ST18: variants seen among roughly 807,000 people sequenced by gnomAD.
ST18 encodes suppression of tumorigenicity 18 protein.
Under a neutral mutation model 110.0 loss-of-function variants are expected in ST18, and 50 were observed. The ratio of observed to expected loss-of-function variants is 0.45; its 90% CI spans 0.36 to 0.58. The LOEUF (loss-of-function observed/expected upper bound fraction) is 0.58, where lower values mean the gene tolerates loss of function less well. ST18 is among the 20% of genes least tolerant of loss of function. The pLI is 0.00. For synonymous variants in ST18, 461 were observed against 452.4 expected (o/e 1.02, Z -0.24); for missense variants, 1,306 against 1,280.1 (o/e 1.02, Z -0.31).
intron 2 of ST18, among the ~76,000 whole-genome samples, chr8:52,346,246 T>A (rs1461090956): frequency 6.6e-6 from 1 of 151,086 alleles, no homozygotes; most frequent in Non-Finnish European, 1.5e-5. Flanking sequence ...AAAATTTAAA[T>A]ATGGAATTGC....
intron 2 of ST18, among the ~76,000 whole-genome samples, chr8:52,408,208 T>A (rs1285128828): frequency 6.6e-6 from 1 of 152,238 alleles, no homozygotes; most frequent in East Asian, 1.9e-4. Context: ...GTCATTTTTA[T>A]CTTGACCACC....
chr8:52,393,062 TC>T (rs1839855284), intron 2 of ST18, among the ~76,000 whole-genome samples: 1 of 152,158 alleles, frequency 6.6e-6, no homozygotes, highest in Admixed American at 6.5e-5. Flanking sequence ...GTTCCCTGCC[TC>T]CAGACCCTAT....
At chr8:52,318,890 G>C (rs952207399) in intron 2 of ST18, among the ~76,000 whole-genome samples, 7 of 151,824 alleles carry the variant, frequency 4.6e-5, no homozygotes, top group East Asian at 3.9e-4. Context: ...GGACACATGG[G>C]GGGGTGGGAC....
At chr8:52,329,525 C>A (rs527480663) in intron 2 of ST18, among the ~76,000 whole-genome samples, 46 of 152,232 alleles carry the variant, frequency 3.0e-4, no homozygotes, top group Non-Finnish European at 5.7e-4. Flanking sequence ...GAGACCGAGG[C>A]AGGTGGATCA....
At chr8:52,135,413 C>G (rs148988597) in intron 19 of ST18, among the ~76,000 whole-genome samples, 2 of 151,210 alleles carry the variant, frequency 1.3e-5, no homozygotes, top group African/African-American at 2.4e-5. Context: ...ATACAAAAAG[C>G]ACTCAGGCAT....
chr8:52,294,303 A>T (rs1398527618), intron 2 of ST18, among the ~76,000 whole-genome samples: 1 of 152,228 alleles, frequency 6.6e-6, no homozygotes, highest in Non-Finnish European at 1.5e-5. Context: ...ACCAGAAAGG[A>T]ACTGAAAAAT....
At chr8:52,171,695 T>A in intron 10 of ST18, 97 bp downstream of exon 10, 1 of 1,309,832 alleles carries the variant, frequency 7.6e-7, no homozygotes, top group East Asian at 2.3e-5. Context: ...TGCATTAAAC[T>A]GTTAAAAAGC....
At chr8:52,272,546 A>G (rs2095109032) in intron 2 of ST18, among the ~76,000 whole-genome samples, 1 of 152,216 alleles carries the variant, frequency 6.6e-6, no homozygotes, top group Admixed American at 6.5e-5. Context: ...GATGGCGATT[A>G]TAGACAACAA....
At chr8:52,161,006 A>C (rs570495456) in intron 14 of ST18, among the ~76,000 whole-genome samples, 1 of 152,344 alleles carries the variant, frequency 6.6e-6, no homozygotes, top group South Asian at 2.1e-4. Flanking sequence ...CCATAATTTC[A>C]ATACAAATAA....
chr8:52,268,160 C>T (rs539755292), intron 2 of ST18, among the ~76,000 whole-genome samples: 70 of 152,198 alleles, frequency 4.6e-4, no homozygotes, highest in Non-Finnish European at 8.4e-4. Flanking sequence ...GAATCCTCAT[C>T]CTTCTTTATC....
chr8:52,274,038 C>T (rs906514483), intron 2 of ST18, among the ~76,000 whole-genome samples: 1 of 152,194 alleles, frequency 6.6e-6, no homozygotes, highest in Non-Finnish European at 1.5e-5. Flanking sequence ...TGTGTATCCT[C>T]TCTACACTGA....
In ST18 at chr8:52,126,054, C is replaced by T; in HGVS notation, c.2753G>A (p.Gly918Glu). ...ELMTIKLKAT[G>E]GIESDEEIRH... ...GACAGCCAGCCCTGTGCTCTTACCC[C>T]CAGTTGCTTTGAGCTTGATGGTCAT... The change falls in exon 23 of 26, where the codon GGG becomes GAG. Residue 918 changes from glycine (G) to glutamate (E), a missense_variant and splice_region_variant. Gly to Glu is a moderately conservative substitution (Grantham distance 98). Transcript: ENST00000689386. 1 of 1,614,012 alleles carries T rather than the reference C, an allele frequency of 6.2e-7. No homozygotes were observed. Among genetic ancestry groups the T allele is most frequent in the Non-Finnish European group, 8.5e-7 (1 of 1,179,962 alleles).
intron 2 of ST18, among the ~76,000 whole-genome samples, chr8:52,245,715 A>G (rs899691766): frequency 6.6e-6 from 1 of 152,120 alleles, no homozygotes; most frequent in African/African-American, 2.4e-5. Context: ...ATATTTAAGA[A>G]TATTTGGAGA....
chr8:52,217,655 C>T (rs1167830595), intron 6 of ST18, 91 bp downstream of exon 6: 1 of 152,106 alleles, frequency 6.6e-6, no homozygotes, highest in South Asian at 2.1e-4. Context: ...AGCAGATACA[C>T]AATGAGGAAG....
At chr8:52,114,440 C>T (rs2041782336) in intron 25 of ST18, among the ~76,000 whole-genome samples, 1 of 152,214 alleles carries the variant, frequency 6.6e-6, no homozygotes, top group South Asian at 2.1e-4. Flanking sequence ...TTTTTAAAAA[C>T]ACATGACGTG....
At chr8:52,168,940 C>T (rs188188821) in intron 10 of ST18, among the ~76,000 whole-genome samples, 35 of 152,264 alleles carry the variant, frequency 2.3e-4, no homozygotes, top group African/African-American at 8.4e-4. Context: ...ATGTGTATTT[C>T]GATGCCCTTC....
chr8:52,238,260 C>T (rs530149516), intron 2 of ST18, among the ~76,000 whole-genome samples: 30 of 152,034 alleles, frequency 2.0e-4, no homozygotes, highest in African/African-American at 7.0e-4. Context: ...AAATTGTACA[C>T]AAATATTCGT....
intron 2 of ST18, among the ~76,000 whole-genome samples, chr8:52,397,106 T>C (rs7008712): frequency 0.63 from 96,538 of 152,122 alleles, 32,967 homozygotes; most frequent in Non-Finnish European, 0.75. Context: ...ACCAACAGTG[T>C]ACTGTGGTTC....
intron 10 of ST18, among the ~76,000 whole-genome samples, chr8:52,171,067 G>A (rs2064782825): frequency 6.6e-6 from 1 of 152,222 alleles, no homozygotes; most frequent in African/African-American, 2.4e-5. Flanking sequence ...TGATGATGAT[G>A]GGATCTGAAA....
Sources: gnomAD v4.1 joint callset for allele counts (sites outside exome capture counted in the v4.1 genomes callset) on GRCh38, gnomAD v4.1.1 for gene constraint, MANE v1.5 for transcripts, NCBI Gene and HGNC (gene_info 2026-07-23, HGNC 2026-07-21) for gene names.